SEMA4C: variants seen among roughly 807,000 people sequenced by gnomAD.
SEMA4C encodes semaphorin 4C, also known as semaphorin-4C.
Under a neutral mutation model 89.0 loss-of-function variants are expected in SEMA4C, and 19 were observed. That is an observed-to-expected ratio of 0.21 (90% CI 0.15 to 0.31). The LOEUF is 0.31. Among genes scored for constraint, SEMA4C ranks in the 10% least tolerant of loss-of-function variants. The pLI, the probability that SEMA4C is intolerant of heterozygous loss-of-function variation, is 1.00. For synonymous variants in SEMA4C, 428 were observed against 472.7 expected (o/e 0.91, Z 1.23); for missense variants, 811 against 1,107.0 (o/e 0.73, Z 3.79).
chr2:96,867,809 G>A lies in SEMA4C; in HGVS notation c.78C>T (p.Asn26=). ...GLGIGAEVWW[N]LVPRKTVSSG... ...AAGACACTGTCTTACGCGGCACAAG[G>A]TTCCACCACACCTCAGCCCCAATGC... Residue 26 remains asparagine (N), a synonymous_variant, in exon 2 of 15, where the codon AAC becomes AAT. Transcript: ENST00000305476. 6.2e-7 allele frequency: 1 copy of A among 1,613,558 alleles called. No individual in the cohort carries two copies. The highest frequency in any genetic ancestry group is 8.5e-7 in the Non-Finnish European group (1 of 1,179,902).
At chr2:96,870,211 C>A, upstream of SEMA4C, 1 of 985,130 alleles carries the variant, frequency 1.0e-6, no homozygotes, top group Non-Finnish European at 1.2e-6. Context: ...GACCCGCCCG[C>A]TCTCCGCCCG....
At position 96,864,901 on chromosome 2, in the gene SEMA4C, A is replaced by G; in HGVS notation, c.787-21T>C. The G allele has an allele frequency of 6.2e-7, 1 of 1,611,946 alleles. No individual in the cohort carries two copies. The highest frequency in any genetic ancestry group is 8.5e-7 in the Non-Finnish European group (1 of 1,179,078). Reference sequence around the variant, plus strand: ...TCGCCCTGGCAGACGGCAAGGGGACACTGCCGGTCAGCCCCGCTGGGCCAG... The same window carrying G: ...TCGCCCTGGCAGACGGCAAGGGGACGCTGCCGGTCAGCCCCGCTGGGCCAG... On this transcript the variant is annotated intron_variant, in intron 8 of 14. Coordinates refer to ENST00000305476, the MANE Select transcript of SEMA4C (RefSeq NM_017789.5). This position sits in a 1 kb window ranked among gnomAD's most constrained non-coding sequence, Gnocchi z 6.3.
In SEMA4C at chr2:96,861,846, C is replaced by T. The variant is rs535051646; in HGVS notation, c.1492G>A (p.Ala498Thr). 8 of 1,612,540 alleles carry T rather than the reference C, an allele frequency of 5.0e-6. No homozygotes were observed. The South Asian group carries it at 8.8e-5, about 18-fold the overall frequency. Residue 498 changes from alanine to threonine, a missense_variant, in exon 13 of 15, where the codon GCC (alanine) becomes ACC (threonine). Coordinates refer to ENST00000305476, the MANE Select transcript of SEMA4C (RefSeq NM_017789.5). This position sits in a 1 kb window ranked among gnomAD's most constrained non-coding sequence, Gnocchi z 7.8. ...CAGGAGCGATACTTCATGCAGTCGG[C>T]CACGGGCAGCTGCACCAGCTGAGAG... ...SRSQLVQLPVADCMKYRSCAD... is the reference protein window; with the variant it reads ...SRSQLVQLPVTDCMKYRSCAD...
intron 2 of SEMA4C, among the ~76,000 whole-genome samples, chr2:96,867,504 C>T (rs979580051): frequency 9.9e-5 from 15 of 152,164 alleles, no homozygotes; most frequent in African/African-American, 3.4e-4. Flanking sequence ...TCTTTAGGCT[C>T]CCAGCGCCAG....
At chr2:96,862,223 G>A in intron 12 of SEMA4C, 1 of 287,510 alleles carries the variant, frequency 3.5e-6, no homozygotes. Flanking sequence ...TACATTTCAA[G>A]GCCCATCAGC....
chr2:96,867,711 G>A, intron 2 of SEMA4C, 67 bp downstream of exon 2: 3 of 1,461,522 alleles, frequency 2.1e-6, no homozygotes, highest in Non-Finnish European at 2.9e-6. Context: ...AATAAAGCCA[G>A]CACACTATGG....
rs765092469 is a variant in SEMA4C, at chr2:96,861,299, T to C, written c.1829A>G (p.Gln610Arg). 2.5e-6 allele frequency: 4 copies of C among 1,607,838 alleles called. No homozygotes were observed. The Admixed American group carries it at 6.7e-5, about 27-fold the overall frequency. Residue 610 changes from glutamine to arginine, a missense_variant, in exon 15 of 15, where the codon CAG becomes CGG. Physicochemically the swap from Gln to Arg is conservative, Grantham distance 43 (BLOSUM62 1). Transcript: ENST00000305476. The surrounding 1 kb of genome is among the most constrained non-coding windows in gnomAD (Gnocchi z 7.8). ...PGSFLYDARL[Q>R]ALVVMAAQPR... ...CTGGGCAGCCATCACAACCAGGGCC[T>C]GGAGCCGGGCATCGTAGAGGAAGGA...
intron 12 of SEMA4C, 184 bp downstream of exon 12, chr2:96,863,498 A>G (rs1173449351): frequency 4.5e-6 from 4 of 891,270 alleles, no homozygotes; most frequent in South Asian, 5.1e-5. Context: ...TGCAGATTCC[A>G]TTCTGTTTTC....
intron 2 of SEMA4C, chr2:96,866,664 A>T (rs1416798784): frequency 1.5e-6 from 1 of 681,824 alleles, no homozygotes; most frequent in Admixed American, 2.0e-5. Context: ...GGAAGGAAGG[A>T]TATCTCAGCC....
chr2:96,868,010 C>A, intron 1 of SEMA4C, 87 bp from the exon 2 acceptor site: 1 of 1,518,968 alleles, frequency 6.6e-7, no homozygotes, highest in Non-Finnish European at 8.8e-7. Flanking sequence ...CAGGACTCCT[C>A]ATCAGGCCTT....
At chr2:96,862,857 A>T (rs1299365733) in intron 12 of SEMA4C, 1 of 114,386 alleles carries the variant, frequency 8.7e-6, no homozygotes, top group Non-Finnish European at 1.7e-5. Flanking sequence ...GCGAGACTCC[A>T]TCTCAAAAAA....
At chr2:96,869,432 C>T in intron 1 of SEMA4C, 1 of 974,452 alleles carries the variant, frequency 1.0e-6, no homozygotes, top group Non-Finnish European at 1.2e-6. Flanking sequence ...GCCCGGGGGC[C>T]TGGCTTTCCG....
chr2:96,869,184 T>C (rs1329301979), intron 1 of SEMA4C: 1 of 985,216 alleles, frequency 1.0e-6, no homozygotes, highest in Non-Finnish European at 1.2e-6. Context: ...CTCGGCTCCT[T>C]ACCCGAGGAT....
chr2:96,865,357 G>T (rs369385808), intron 6 of SEMA4C, 37 bp from the exon 7 acceptor site: 17 of 1,611,786 alleles, frequency 1.1e-5, no homozygotes, highest in Non-Finnish European at 8.5e-7. Flanking sequence ...CACACATGAG[G>T]TATGGACACA....
In SEMA4C at chr2:96,859,847, C is replaced by T. The variant is rs2079901105; in HGVS notation, c.*779G>A. On this transcript the variant is annotated 3_prime_UTR_variant, in exon 15 of 15. Transcript: ENST00000305476. ...ACTGTTAGGAGCCCTCCTCCTAGGGCTGGAAGAGAGTATGCCATTGTCCAC... is the reference window on the plus strand; with the variant it reads ...ACTGTTAGGAGCCCTCCTCCTAGGGTTGGAAGAGAGTATGCCATTGTCCAC... 1 of 152,268 alleles carries T rather than the reference C, an allele frequency of 6.6e-6. No homozygotes were observed. Among genetic ancestry groups the T allele is most frequent in the Non-Finnish European group, 1.5e-5 (1 of 68,054 alleles). The allele number at this position is 152,268 out of a possible 1,614,324, so 9.4% of individuals were successfully genotyped here. A position where few individuals can be genotyped will look rare whatever the true frequency, so the allele number is the denominator to read the frequency against.
At chr2:96,866,711 C>G in intron 2 of SEMA4C, 2 of 572,704 alleles carry the variant, frequency 3.5e-6, no homozygotes, top group Non-Finnish European at 3.3e-6. Flanking sequence ...AGACTGATGG[C>G]TCTTGCTCTC....
At chr2:96,865,629 G>A (rs1023977423) in intron 5 of SEMA4C, 37 bp downstream of exon 5, 2 of 1,604,078 alleles carry the variant, frequency 1.2e-6, no homozygotes, top group Admixed American at 1.7e-5. Context: ...AGGAGGGCGG[G>A]GGGCTGGGGA....
chr2:96,861,765 G>A lies in SEMA4C; in HGVS notation c.1573C>T (p.Arg525Cys), dbSNP rs750771487. 3.0e-5 allele frequency: 49 copies of A among 1,613,586 alleles called. No individual in the cohort carries two copies. The highest frequency in any genetic ancestry group is 1.6e-4 in the Middle Eastern group (1 of 6,062). The change falls in exon 13 of 15, where the codon CGC becomes TGC. Residue 525 changes from arginine (R) to cysteine (C), a missense_variant. Around this residue, in one of 4 missense-constraint regions of SEMA4C, gnomAD observed 441 missense variants for 664.9 expected, o/e 0.66. Transcript: ENST00000305476. This position sits in a 1 kb window ranked among gnomAD's most constrained non-coding sequence, Gnocchi z 7.8. ...PYCAWSVNTS[R>C]CVAVGGHSGS... The stretch of plus-strand genomic sequence containing the variant: ...GAGTGGCCACCCACGGCCACACAGC[G>A]GCTGGTGTTGACGCTCCAGGCGCAA...
rs1322486280 is a variant in SEMA4C at position 96,864,334 on chromosome 2, G to A, written c.1011C>T (p.Ile337=). The change falls in exon 10 of 15, where the codon ATC becomes ATT. Residue 337 remains isoleucine (I), a synonymous_variant. Coordinates refer to ENST00000305476, the MANE Select transcript of SEMA4C (RefSeq NM_017789.5). The surrounding 1 kb of genome is among the most constrained non-coding windows in gnomAD (Gnocchi z 6.3). ...TATAGGGGCCCTCAAACACCCGCTG[G>A]ATCTCTTCCAACTGGTACTCACAGA... is the stretch of plus-strand genomic sequence containing the variant. The part of the protein sequence containing the change: ...SAICEYQLEE[I]QRVFEGPYKE... 3 of 1,613,958 alleles carry A rather than the reference G, an allele frequency of 1.9e-6. No individual in the cohort carries two copies. Among genetic ancestry groups the A allele is most frequent in the Non-Finnish European group, 2.5e-6 (3 of 1,180,012 alleles).
Sources: allele counts gnomAD v4.1 joint callset (sites outside exome capture counted in the v4.1 genomes callset), GRCh38; gene constraint gnomAD v4.1.1; regional missense constraint gnomAD v4.1.1; non-coding constraint Gnocchi (gnomAD v3.1); transcripts MANE v1.5; gene names NCBI Gene and HGNC (gene_info 2026-07-23, HGNC 2026-07-21).